The following TNPO1 variants were observed in gnomAD, a reference collection of about 807,000 sequenced individuals.
TNPO1 encodes transportin 1, also known as transportin-1.
In TNPO1, 8 loss-of-function variants were observed where a neutral mutation model predicts 119.5. The ratio of observed to expected loss-of-function variants is 0.07; its 90% CI spans 0.04 to 0.12. The LOEUF (loss-of-function observed/expected upper bound fraction) is 0.12, where lower values mean the gene tolerates loss of function less well. Among genes scored for constraint, TNPO1 ranks in the 10% least tolerant of loss-of-function variants. The probability of loss-of-function intolerance (pLI) is 1.00; values close to 1 mark genes in which losing one functional copy is unlikely to be tolerated. For missense variants in TNPO1, 576 were observed against 1,089.8 expected, an observed-to-expected ratio of 0.53 and a Z score of 6.64; for synonymous variants, 362 against 363.0, an observed-to-expected ratio of 1.00 and a Z score of 0.03.
chr5:72,893,321 CTTT>C (rs747740138), intron 16 of TNPO1, 53 bp from the exon 17 acceptor site: 258 of 1,604,786 alleles, frequency 1.6e-4, no homozygotes, highest in Non-Finnish European at 2.0e-4. Flanking sequence ...TGTATACAGA[CTTT>C]TTAAGTAGTT....
At chr5:72,851,000 T>G (rs1169949055) in intron 2 of TNPO1, among the ~76,000 whole-genome samples, 1 of 152,226 alleles carries the variant, frequency 6.6e-6, no homozygotes, top group Non-Finnish European at 1.5e-5. Context: ...AGCTGGAACT[T>G]TCTTATGTTG....
chr5:72,862,994 G>T (rs1259624463), intron 5 of TNPO1, among the ~76,000 whole-genome samples: 9 of 30,874 alleles, frequency 2.9e-4, no homozygotes, highest in East Asian at 1.6e-3. Flanking sequence ...GTGGGTTTTT[G>T]TGTGTGTGTG....
intron 20 of TNPO1, among the ~76,000 whole-genome samples, chr5:72,899,210 C>T (rs542247665): frequency 8.0e-4 from 122 of 152,230 alleles, no homozygotes; most frequent in African/African-American, 2.8e-3. Context: ...TTCCTGTGGT[C>T]CACATATCAT....
chr5:72,892,013 T>C, intron 15 of TNPO1, 117 bp downstream of exon 15: 1 of 724,338 alleles, frequency 1.4e-6, no homozygotes, highest in Non-Finnish European at 2.3e-6. Context: ...ACGGAGGAAA[T>C]TATATGATAC....
In TNPO1 at chr5:72,875,505, A is replaced by C; in HGVS notation, c.679-110A>C. ...TCTAATATTGTAGGCCAATTCAGTCAGTTTTTGGTACCTTTGTAGGGTTTC... is the reference window on the plus strand; with the variant it reads ...TCTAATATTGTAGGCCAATTCAGTCCGTTTTTGGTACCTTTGTAGGGTTTC... On this transcript the variant is annotated intron_variant, in intron 7 of 24. Coordinates refer to ENST00000337273, the MANE Select transcript of TNPO1 (RefSeq NM_002270.4). The C allele has an allele frequency of 5.5e-6, 6 of 1,095,728 alleles. No homozygotes were observed. In the South Asian group the frequency reaches 9.6e-5, roughly 18 times the overall value. 67.9% of individuals were successfully genotyped at this position (1,095,728 alleles called of 1,614,324 possible).
At chr5:72,821,538 A>G (rs1265480243) in intron 1 of TNPO1, among the ~76,000 whole-genome samples, 1 of 152,238 alleles carries the variant, frequency 6.6e-6, no homozygotes, top group African/African-American at 2.4e-5. Flanking sequence ...GAAATTAAAT[A>G]TATATTTTGA....
intron 3 of TNPO1, among the ~76,000 whole-genome samples, chr5:72,853,507 A>G (rs1745751965): frequency 6.6e-6 from 1 of 152,238 alleles, no homozygotes; most frequent in Admixed American, 6.5e-5. Flanking sequence ...TTCCACAAAG[A>G]CATTAATTAC....
At chr5:72,859,712 A>G (rs1359914734) in intron 4 of TNPO1, among the ~76,000 whole-genome samples, 2 of 152,160 alleles carry the variant, frequency 1.3e-5, no homozygotes, top group Admixed American at 6.5e-5. Flanking sequence ...TCTCTTGTGT[A>G]TGTTTGTACA....
intron 6 of TNPO1, among the ~76,000 whole-genome samples, chr5:72,869,002 T>TC (rs1260015955): frequency 2.0e-5 from 3 of 151,972 alleles, no homozygotes; most frequent in Non-Finnish European, 4.4e-5. Flanking sequence ...AGAGCAAAAC[T>TC]CCATCTCAAA....
intron 6 of TNPO1, among the ~76,000 whole-genome samples, chr5:72,868,448 A>AC (rs1747108492): frequency 1.3e-5 from 2 of 148,670 alleles, no homozygotes; most frequent in African/African-American, 2.4e-5. Context: ...AAAAAAAAAA[A>AC]AAAAAAAAAA....
chr5:72,837,888 A>G (rs957678969), intron 1 of TNPO1, among the ~76,000 whole-genome samples: 2 of 152,338 alleles, frequency 1.3e-5, no homozygotes, highest in South Asian at 4.1e-4. Context: ...ATTTGAGCCA[A>G]TGAGTGTATG....
chr5:72,851,084 T>C (rs1191214968), intron 2 of TNPO1, 160 bp from the exon 3 acceptor site: 1 of 583,546 alleles, frequency 1.7e-6, no homozygotes, highest in Non-Finnish European at 3.1e-6. Context: ...GTTTTTGAAA[T>C]AGATGTTGAT....
chr5:72,841,421 T>C (rs552642587), intron 1 of TNPO1, among the ~76,000 whole-genome samples: 19 of 150,386 alleles, frequency 1.3e-4, no homozygotes, highest in African/African-American at 3.9e-4. Flanking sequence ...CCCGGCTCAT[T>C]ATAGACTTTT....
At position 72,883,065 on chromosome 5, in the gene TNPO1, G is replaced by A. The variant is rs1412495510; in HGVS notation, c.983G>A (p.Gly328Asp). ...YSDIDIILLK[G>D]DVEEDETIPD... The stretch of plus-strand genomic sequence containing the variant: ...AAATTTCTCTTAAAAAAACAACAGG[G>A]TGATGTTGAAGAAGACGAAACGATT... The change falls in exon 11 of 25, where the codon GGT (glycine) becomes GAT (aspartate). Residue 328 changes from glycine to aspartate, a missense_variant and splice_region_variant. Gly to Asp is a moderately conservative substitution (Grantham distance 94). Around this residue, in one of 6 missense-constraint regions of TNPO1, gnomAD observed 310 missense variants for 583.0 expected, o/e 0.53. Transcript: ENST00000337273. 1 of 1,610,980 alleles carries A rather than the reference G, an allele frequency of 6.2e-7. No homozygotes were observed. The highest frequency in any genetic ancestry group is 8.5e-7 in the Non-Finnish European group (1 of 1,178,558).
chr5:72,852,802 C>A (rs978380012), intron 3 of TNPO1, among the ~76,000 whole-genome samples: 3 of 152,024 alleles, frequency 2.0e-5, no homozygotes, highest in African/African-American at 7.2e-5. Flanking sequence ...ATGAAGGACA[C>A]AATAGAAAAT....
intron 1 of TNPO1, among the ~76,000 whole-genome samples, chr5:72,822,323 C>CTT (rs11458903): frequency 2.0e-4 from 29 of 147,764 alleles, no homozygotes; most frequent in South Asian, 2.1e-4. Flanking sequence ...AAAGCAGTGA[C>CTT]TTTTTTTTTT....
chr5:72,847,045 G>GT (rs565341012), intron 1 of TNPO1, among the ~76,000 whole-genome samples: 14 of 151,372 alleles, frequency 9.2e-5, no homozygotes, highest in Non-Finnish European at 1.3e-4. Context: ...TTTGTTTTGA[G>GT]TTTTTTTTTG....
intron 1 of TNPO1, among the ~76,000 whole-genome samples, chr5:72,834,771 C>G (rs993966232): frequency 6.6e-6 from 1 of 152,188 alleles, no homozygotes; most frequent in Non-Finnish European, 1.5e-5. Flanking sequence ...ATTCACTCAC[C>G]GCTTACTCTC....
chr5:72,818,384 TTA>T (rs1411322865), intron 1 of TNPO1, among the ~76,000 whole-genome samples: 1 of 152,262 alleles, frequency 6.6e-6, no homozygotes, highest in African/African-American at 2.4e-5. Context: ...TTCATTGTTT[TTA>T]TGACTGTAGT....
Sources: gnomAD v4.1 joint callset for allele counts (sites outside exome capture counted in the v4.1 genomes callset) on GRCh38, gnomAD v4.1.1 for gene constraint, gnomAD v4.1.1 regional missense constraint, MANE v1.5 for transcripts, NCBI Gene and HGNC (gene_info 2026-07-23, HGNC 2026-07-21) for gene names.